The following AP1G2 variants were observed in gnomAD, a reference collection of about 807,000 sequenced individuals.
AP1G2 encodes adaptor related protein complex 1 subunit gamma 2.
Under a neutral mutation model 95.8 loss-of-function variants are expected in AP1G2, and 85 were observed. The ratio of observed to expected loss-of-function variants is 0.89; its 90% confidence interval spans 0.74 to 1.06. AP1G2 has a LOEUF of 1.06. Among genes scored for constraint, AP1G2 ranks in the 50% least tolerant of loss-of-function variants. The pLI is 0.00. For missense variants in AP1G2, 967 were observed against 1,005.8 expected (o/e 0.96, Z 0.52); for synonymous variants, 378 against 400.0 (o/e 0.94, Z 0.66).
At chr14:23,566,196 G>A (rs1160445873) in intron 4 of AP1G2, 36 bp from the exon 5 acceptor site, 2 of 1,595,762 alleles carry the variant, frequency 1.3e-6, no homozygotes, top group South Asian at 1.1e-5. Flanking sequence ...GGGGTCAGAG[G>A]AGATGGACCC....
Position 23,565,559 on chromosome 14 carries a change from C to T in AP1G2, c.741+47G>A, listed in dbSNP as rs1034214047. 3.3e-6 allele frequency: 5 copies of T among 1,506,190 alleles called. No individual in the cohort carries two copies. The Admixed American group carries it at 8.4e-5, about 25-fold the overall frequency. 93.3% of individuals were successfully genotyped at this position (1,506,190 alleles called of 1,614,324 possible). A position where few individuals can be genotyped will look rare whatever the true frequency, so the allele number is the denominator to read the frequency against. On this transcript the variant is annotated intron_variant, in intron 7 of 21. Transcript: ENST00000397120. Reference sequence around the variant, plus strand: ...GAAACCACTGGTCATGGTCTTACTGCTATGCCCTCTCTGATCCAGGGATAC... The same window carrying T: ...GAAACCACTGGTCATGGTCTTACTGTTATGCCCTCTCTGATCCAGGGATAC...
At chr14:23,565,921 TG>T (rs1220000930) in intron 5 of AP1G2, 29 bp from the exon 6 acceptor site, 1 of 1,599,080 alleles carries the variant, frequency 6.3e-7, no homozygotes. Flanking sequence ...AAGTGAATGG[TG>T]GGGGCCAGGG....
rs1884770789 is a variant in AP1G2 at position 23,561,692 on chromosome 14, G to A, written c.1734-57C>T. 2.5e-6 allele frequency: 4 copies of A among 1,597,764 alleles called. No individual in the cohort carries two copies. In the South Asian group the frequency reaches 4.5e-5, roughly 18 times the overall value. On this transcript the variant is annotated intron_variant, in intron 17 of 21. Transcript: ENST00000397120. ...GTGGTCTCTGGGCCTTTCACAAGAG[G>A]CATCTAGGATGAGGACTAGGAATAT...
At chr14:23,560,073 T>A in intron 20 of AP1G2, 37 bp from the exon 21 acceptor site, 1 of 1,477,330 alleles carries the variant, frequency 6.8e-7, no homozygotes, top group Non-Finnish European at 9.4e-7. Flanking sequence ...AGTATGGCAG[T>A]AGGTAGGGCT....
At chr14:23,562,728 C>A (rs1031463954) in intron 14 of AP1G2, 135 bp from the exon 15 acceptor site, 7 of 719,248 alleles carry the variant, frequency 9.7e-6, no homozygotes, top group South Asian at 1.9e-5. Context: ...CAAAGCGAGA[C>A]CCCCCCCATC....
At chr14:23,564,429 C>T in intron 9 of AP1G2, 41 bp from the exon 10 acceptor site, 2 of 1,612,076 alleles carry the variant, frequency 1.2e-6, no homozygotes, top group East Asian at 2.2e-5. Context: ...AAAGGAGCAA[C>T]CTGCTCAGCC....
At position 23,566,437 on chromosome 14, in the gene AP1G2, A is replaced by G. The variant is rs777007996; in HGVS notation, c.330-18T>C. 1 of 1,611,038 alleles carries G rather than the reference A, an allele frequency of 6.2e-7. No individual in the cohort carries two copies. On this transcript the variant is annotated intron_variant, in intron 3 of 21. Transcript: ENST00000397120. ...TCAGGTCACTGCAGGGTTTGGGAGG[A>G]CGGTCAGTCAAACCTCTGAGAAAAT...
Position 23,567,125 on chromosome 14 carries a change from C to A in AP1G2, c.190G>T (p.Ala64Ser), listed in dbSNP as rs757612665. ...LLYVHMLGYP[A>S]HFGQMECLKL... is the part of the protein sequence containing the mutation. ...CTGGCCAGTACCTGTCCAAAGTGGG[C>A]GGGGTAGCCCAACATGTGGACGTAG... Residue 64 changes from alanine (A) to serine (S), a missense_variant, in exon 2 of 22, where the codon GCC becomes TCC. Coordinates refer to ENST00000397120, the MANE Select transcript of AP1G2 (RefSeq NM_003917.5). This position sits in a 1 kb window ranked among gnomAD's most constrained non-coding sequence, Gnocchi z 5.3. 4.3e-6 allele frequency: 7 copies of A among 1,609,614 alleles called. No individual in the cohort carries two copies. Among genetic ancestry groups the A allele is most frequent in the Admixed American group, 1.7e-5 (1 of 58,944 alleles).
In AP1G2 at chr14:23,567,031, G is replaced by A; in HGVS notation, c.204+80C>T. On this transcript the variant is annotated intron_variant, in intron 2 of 21. Transcript: ENST00000397120. This position sits in a 1 kb window ranked among gnomAD's most constrained non-coding sequence, Gnocchi z 5.3. The stretch of plus-strand genomic sequence containing the variant: ...AAATTGTAGAATTTAAAAAACCAGG[G>A]CATAAACAGGTGAGAGAGTCTGGGA... 2.1e-6 allele frequency: 3 copies of A among 1,423,462 alleles called. No homozygotes were observed. Among genetic ancestry groups the A allele is most frequent in the East Asian group, 2.4e-5 (1 of 41,994 alleles). 88.2% of individuals were successfully genotyped at this position (1,423,462 alleles called of 1,614,324 possible). A position where few individuals can be genotyped will look rare whatever the true frequency, so the allele number is the denominator to read the frequency against.
chr14:23,559,902 C>T (rs1251553657), intron 21 of AP1G2, 36 bp downstream of exon 21: 2 of 1,611,798 alleles, frequency 1.2e-6, no homozygotes, highest in South Asian at 1.1e-5. Flanking sequence ...TTCTTCTATC[C>T]CTGGGTCTTG....
intron 2 of AP1G2, 117 bp from the exon 3 acceptor site, chr14:23,566,803 T>C: frequency 7.1e-7 from 1 of 1,411,214 alleles, no homozygotes; most frequent in Non-Finnish European, 9.7e-7. Flanking sequence ...ATCTCATCAC[T>C]CTCCCTTCAA....
In AP1G2 at chr14:23,567,767, G is replaced by GC. The variant is rs1006731302; in HGVS notation, c.-35dup. On this transcript the variant is annotated 5_prime_UTR_variant, in exon 1 of 22. Coordinates refer to ENST00000397120, the MANE Select transcript of AP1G2 (RefSeq NM_003917.5). This position sits in a 1 kb window ranked among gnomAD's most constrained non-coding sequence, Gnocchi z 5.3. ...GCTTCTGCCTCAACTCCGCTCCTCT[G>GC]CCCCCCAGCGCTTCCTGGTACGGGG... 3.0e-6 allele frequency: 3 copies of GC among 1,003,692 alleles called. No homozygotes were observed. Among genetic ancestry groups the GC allele is most frequent in the East Asian group, 1.1e-4 (1 of 8,976 alleles). 62.2% of individuals were successfully genotyped at this position (1,003,692 alleles called of 1,614,324 possible). A position where few individuals can be genotyped will look rare whatever the true frequency, so the allele number is the denominator to read the frequency against.
At position 23,564,503 on chromosome 14, in the gene AP1G2, G is replaced by T. The variant is rs1264186499; in HGVS notation, c.921+59C>A. ...CTAGGAGGGAGAAACCAGCAAGCAGGACCTGTGTGGGTGAGGTGGTGGGCG... is the reference window on the plus strand; with the variant it reads ...CTAGGAGGGAGAAACCAGCAAGCAGTACCTGTGTGGGTGAGGTGGTGGGCG... On this transcript the variant is annotated intron_variant, in intron 9 of 21. Transcript: ENST00000397120. 5.0e-6 allele frequency: 8 copies of T among 1,600,746 alleles called. No individual in the cohort carries two copies. In the East Asian group the frequency reaches 1.3e-4, roughly 27 times the overall value.
intron 2 of AP1G2, 197 bp from the exon 3 acceptor site, chr14:23,566,883 C>T (rs1888305465): frequency 1.1e-6 from 1 of 927,696 alleles, no homozygotes; most frequent in Non-Finnish European, 1.6e-6. Context: ...AGGATGGGAG[C>T]GGAGAGGAGG....
At position 23,561,894 on chromosome 14, in the gene AP1G2, C is replaced by T. The variant is rs924261027; in HGVS notation, c.1733+68G>A. On this transcript the variant is annotated intron_variant, in intron 17 of 21. Coordinates refer to ENST00000397120, the MANE Select transcript of AP1G2 (RefSeq NM_003917.5). ...CACAGGTGAGGATGAGGCCCTTGTA[C>T]CTAGAAAAGGGCATTTGGGAGAGGG... is the stretch of plus-strand genomic sequence containing the variant. The T allele has an allele frequency of 5.2e-6, 8 of 1,535,792 alleles. No individual in the cohort carries two copies. In the South Asian group the frequency reaches 8.5e-5, roughly 16 times the overall value.
chr14:23,559,957 C>T lies in AP1G2; in HGVS notation c.2237G>A (p.Arg746Lys), dbSNP rs1883291345. The T allele has an allele frequency of 6.2e-7, 1 of 1,613,354 alleles. No homozygotes were observed. The highest frequency in any genetic ancestry group is 1.1e-5 in the South Asian group (1 of 90,956). Reference protein sequence around the residue: ...RGGLPITQLFRILNPNKAPLR... With the variant: ...RGGLPITQLFKILNPNKAPLR... ...GCTCACCTTGTTAGGATTGAGGATT[C>T]TGAAGAGCTGGGTGATAGGAAGGCC... The change falls in exon 21 of 22, where the codon AGA becomes AAA. Residue 746 changes from arginine (R) to lysine (K), a missense_variant. By Grantham distance (26) the Arg-to-Lys change is conservative. Transcript: ENST00000397120.
At chr14:23,563,556 C>T in intron 13 of AP1G2, 28 bp downstream of exon 13, 1 of 1,614,236 alleles carries the variant, frequency 6.2e-7, no homozygotes, top group Non-Finnish European at 8.5e-7. Context: ...CCACTTCTGC[C>T]CAGCTCTCTG....
At position 23,561,123 on chromosome 14, in the gene AP1G2, A is replaced by G. The variant is rs561794339; in HGVS notation, c.1993+173T>C. 4.0e-3 allele frequency: 5,365 copies of G among 1,342,988 alleles called. 17 individuals carry two copies. The highest frequency in any genetic ancestry group is 4.6e-3 in the Non-Finnish European group (4,789 of 1,049,802). 83.2% of individuals were successfully genotyped at this position (1,342,988 alleles called of 1,614,324 possible). ...GGCCAGGGAAAGAAGTCTGGAACAAAGGGAAGACAGATGACCATGATTGAC... is the reference window on the plus strand; with the variant it reads ...GGCCAGGGAAAGAAGTCTGGAACAAGGGGAAGACAGATGACCATGATTGAC... On this transcript the variant is annotated intron_variant, in intron 19 of 21. Coordinates refer to ENST00000397120, the MANE Select transcript of AP1G2 (RefSeq NM_003917.5).
Position 23,559,840 on chromosome 14 carries a change from C to T in AP1G2, c.2267G>A (p.Arg756Gln), listed in dbSNP as rs754239321. ...GTCGTAGGTGAGGCGCAGCTTTAGCCGCAGGGGGGCCTAGGAATAGGAGAG... is the reference window on the plus strand; with the variant it reads ...GTCGTAGGTGAGGCGCAGCTTTAGCTGCAGGGGGGCCTAGGAATAGGAGAG... ...RILNPNKAPL[R>Q]LKLRLTYDHF... Residue 756 changes from arginine to glutamine, a missense_variant, in exon 22 of 22, where the codon CGG becomes CAG. Transcript: ENST00000397120. The T allele has an allele frequency of 5.3e-5, 86 of 1,613,918 alleles. No homozygotes were observed. Among genetic ancestry groups the T allele is most frequent in the Non-Finnish European group, 5.7e-5 (67 of 1,180,026 alleles).
Sources: allele counts gnomAD v4.1 joint callset, GRCh38; gene constraint gnomAD v4.1.1; non-coding constraint Gnocchi (gnomAD v3.1); transcripts MANE v1.5; gene names NCBI Gene and HGNC (gene_info 2026-07-23, HGNC 2026-07-21).